PCDH15: variants seen among roughly 807,000 people sequenced by gnomAD.
PCDH15 encodes the protein protocadherin related 15.
In PCDH15, 129 loss-of-function variants were observed where a neutral mutation model predicts 178.5. The observed-to-expected ratio is 0.72, with a 90% CI of 0.63 to 0.84. The LOEUF (loss-of-function observed/expected upper bound fraction) is 0.84, where lower values mean the gene tolerates loss of function less well. Among genes scored for constraint, PCDH15 ranks in the 40% least tolerant of loss-of-function variants. PCDH15 has a pLI of 0.00. For synonymous variants in PCDH15, 800 were observed against 732.0 expected, an observed-to-expected ratio of 1.09 and a Z score of -1.50; for missense variants, 2,230 against 2,099.9, an observed-to-expected ratio of 1.06 and a Z score of -1.21.
intron 3 of PCDH15, among the ~76,000 whole-genome samples, chr10:54,385,498 G>A (rs1949812582): frequency 6.6e-6 from 1 of 152,076 alleles, no homozygotes. Flanking sequence ...CAAGTATTAA[G>A]ACTAAATTCT....
At chr10:55,071,730 C>A (rs908442156) in intron 2 of PCDH15, among the ~76,000 whole-genome samples, 7 of 152,312 alleles carry the variant, frequency 4.6e-5, no homozygotes, top group African/African-American at 1.4e-4. Context: ...TTGAACTCAT[C>A]TCTGCACCAA....
At chr10:54,028,003 C>A (rs2093165580) in intron 18 of PCDH15, among the ~76,000 whole-genome samples, 1 of 150,456 alleles carries the variant, frequency 6.6e-6, no homozygotes, top group Non-Finnish European at 1.5e-5. Flanking sequence ...AGTGAACAGG[C>A]AACCCACACA....
chr10:54,499,134 T>G (rs61853594), intron 3 of PCDH15, among the ~76,000 whole-genome samples: 4,672 of 152,228 alleles, frequency 0.031, 97 homozygotes, highest in Middle Eastern at 0.078. Context: ...ATTCTAAGTA[T>G]GTAAGCAGCC....
chr10:54,732,564 G>T (rs1335103362), intron 1 of PCDH15, among the ~76,000 whole-genome samples: 1 of 151,350 alleles, frequency 6.6e-6, no homozygotes, highest in Non-Finnish European at 1.5e-5. Context: ...TTCCAACAAA[G>T]AAAAATTTTG....
intron 2 of PCDH15, among the ~76,000 whole-genome samples, chr10:55,496,107 G>A (rs1367493408): frequency 6.6e-6 from 1 of 151,808 alleles, no homozygotes; most frequent in African/African-American, 2.4e-5. Flanking sequence ...TTTCAGTGAT[G>A]ATTGCACACA....
chr10:55,331,750 T>G (rs1334612726), intron 2 of PCDH15, among the ~76,000 whole-genome samples: 1 of 152,094 alleles, frequency 6.6e-6, no homozygotes, highest in Non-Finnish European at 1.5e-5. Context: ...CAAGGTAACC[T>G]CTTAAGAAAC....
At chr10:55,554,700 G>A (rs1012119413) in intron 2 of PCDH15, among the ~76,000 whole-genome samples, 3 of 151,890 alleles carry the variant, frequency 2.0e-5, no homozygotes, top group Admixed American at 6.6e-5. Flanking sequence ...TAGTGCAGGT[G>A]GTCATGCAAC....
chr10:55,468,451 T>A lies in PCDH15; in HGVS notation c.-156+159174A>T, dbSNP rs1839886662. On this transcript the variant is annotated intron_variant, in intron 2 of 5. Transcript: ENST00000613346. ...AGGGAAAGGCCACAATATTCTTAAA[T>A]TTTAACTTGTGGGCGAAAAATTGCA... The A allele has an allele frequency of 2.0e-5, 3 of 152,236 alleles. No individual in the cohort carries two copies. The South Asian group carries it at 6.2e-4, about 31-fold the overall frequency. 9.4% of individuals were successfully genotyped at this position (152,236 alleles called of 1,614,324 possible). A position where few individuals can be genotyped will look rare whatever the true frequency, so the allele number is the denominator to read the frequency against.
chr10:54,218,740 C>T (rs987498077), intron 9 of PCDH15, among the ~76,000 whole-genome samples: 1 of 151,592 alleles, frequency 6.6e-6, no homozygotes, highest in African/African-American at 2.4e-5. Context: ...ACCTATGAAA[C>T]AGTTTTGAGA....
intron 2 of PCDH15, among the ~76,000 whole-genome samples, chr10:55,134,457 G>A (rs910294682): frequency 6.6e-6 from 1 of 152,032 alleles, no homozygotes; most frequent in East Asian, 1.9e-4. Flanking sequence ...AATATATACT[G>A]TACTGGTGAT....
intron 2 of PCDH15, among the ~76,000 whole-genome samples, chr10:55,021,006 T>C (rs1014262356): frequency 6.6e-6 from 1 of 152,136 alleles, no homozygotes; most frequent in Non-Finnish European, 1.5e-5. Flanking sequence ...ATGCAAAATG[T>C]TTATTTCTCA....
chr10:54,768,637 T>C (rs772695778), intron 1 of PCDH15, among the ~76,000 whole-genome samples: 9 of 152,142 alleles, frequency 5.9e-5, no homozygotes, highest in Non-Finnish European at 7.4e-5. Flanking sequence ...TCCCAAATAA[T>C]TGGAATCTGA....
intron 2 of PCDH15, among the ~76,000 whole-genome samples, chr10:54,913,604 G>T (rs1200684924): frequency 6.6e-6 from 1 of 152,120 alleles, no homozygotes; most frequent in Non-Finnish European, 1.5e-5. Flanking sequence ...GAGGGCCATA[G>T]TCCTAAAGAT....
At chr10:55,369,855 C>T (rs1238261979) in intron 2 of PCDH15, among the ~76,000 whole-genome samples, 1 of 151,690 alleles carries the variant, frequency 6.6e-6, no homozygotes, top group East Asian at 1.9e-4. Flanking sequence ...ATTAGGAAAA[C>T]AGATGTAAAG....
intron 2 of PCDH15, among the ~76,000 whole-genome samples, chr10:55,037,686 A>G (rs975523283): frequency 6.6e-6 from 1 of 152,210 alleles, no homozygotes; most frequent in Non-Finnish European, 1.5e-5. Context: ...AGATTGTAAA[A>G]TATCTGCGGA....
intron 3 of PCDH15, among the ~76,000 whole-genome samples, chr10:54,838,503 C>T (rs542218616): frequency 6.6e-6 from 1 of 152,100 alleles, no homozygotes; most frequent in East Asian, 1.9e-4. Context: ...GTCCATTAAA[C>T]CTCTTTTCTT....
chr10:55,413,145 G>T (rs887731455), intron 2 of PCDH15, among the ~76,000 whole-genome samples: 1 of 151,562 alleles, frequency 6.6e-6, no homozygotes, highest in Non-Finnish European at 1.5e-5. Flanking sequence ...CCCAGCAGAA[G>T]ATTAAAAATA....
chr10:54,935,828 C>A (rs948925836), intron 2 of PCDH15, among the ~76,000 whole-genome samples: 6 of 151,998 alleles, frequency 3.9e-5, no homozygotes, highest in Non-Finnish European at 7.4e-5. Flanking sequence ...AATTCCATAA[C>A]TGTGAGACAT....
intron 2 of PCDH15, among the ~76,000 whole-genome samples, chr10:55,341,331 T>G (rs1844550082): frequency 6.6e-6 from 1 of 152,036 alleles, no homozygotes; most frequent in African/African-American, 2.4e-5. Flanking sequence ...AGTCTTTACC[T>G]ATAATATTTT....
Sources: allele counts gnomAD v4.1 joint callset (sites outside exome capture counted in the v4.1 genomes callset), GRCh38; gene constraint gnomAD v4.1.1; transcripts MANE v1.5; gene names NCBI Gene and HGNC (gene_info 2026-07-23, HGNC 2026-07-21).